The following SELENOI variants were observed in gnomAD, a reference collection of about 807,000 sequenced individuals.
The protein encoded by SELENOI is selenoprotein I, also known as ethanolaminephosphotransferase 1.
SELENOI carries 24 observed loss-of-function variants against 50.7 expected under a neutral mutation model. The ratio of observed to expected loss-of-function variants is 0.47; its 90% CI spans 0.34 to 0.67. The LOEUF is 0.67. Ranked by LOEUF, SELENOI falls within the 30% of genes least tolerant of loss-of-function variation. The pLI is 0.01. For missense variants in SELENOI, 352 were observed against 461.4 expected (o/e 0.76, Z 2.17); for synonymous variants, 155 against 170.2 (o/e 0.91, Z 0.70).
At chr2:26,357,673 C>T (rs1336778614) in intron 1 of SELENOI, among the ~76,000 whole-genome samples, 2 of 152,184 alleles carry the variant, frequency 1.3e-5, no homozygotes. Flanking sequence ...GCCTTCTTCC[C>T]TGTGTTTCTG....
rs142003075 is a variant in SELENOI, at chr2:26,379,999, G to A, written c.683-3300G>A. Among the ~76,000 whole-genome samples, 114 of 152,190 alleles carry A rather than the reference G, an allele frequency of 7.5e-4. 1 individual carries two copies. Among genetic ancestry groups the A allele is most frequent in the Admixed American group, 6.5e-3 (100 of 15,296 alleles). On this transcript the variant is annotated intron_variant, in intron 6 of 9. Transcript: ENST00000260585. Reference sequence around the variant, plus strand: ...TTTTTGCAGTTTTATTCATCCTTACGTCTTATCCCACTAGGTGTGTCCCGT... The same window carrying A: ...TTTTTGCAGTTTTATTCATCCTTACATCTTATCCCACTAGGTGTGTCCCGT...
chr2:26,382,792 A>G (rs896578663), intron 6 of SELENOI, among the ~76,000 whole-genome samples: 1 of 151,906 alleles, frequency 6.6e-6, no homozygotes, highest in African/African-American at 2.4e-5. Flanking sequence ...GTAGTTCGTG[A>G]CCAGCCTGGA....
chr2:26,370,744 A>C (rs1574757556), intron 4 of SELENOI, among the ~76,000 whole-genome samples: 1 of 108,574 alleles, frequency 9.2e-6, no homozygotes, highest in African/African-American at 3.7e-5. Context: ...CGGGGGGCTG[A>C]CCCCCCCACC....
rs869073468 is a variant in SELENOI at position 26,348,996 on chromosome 2, C to CTTTTT, written c.57+2738_57+2742dup. ...CTACCCATCCTTTGTTTTGGACAGG[C>CTTTTT]TTTTTTTTTTTTTTTTTTTTTTTTT... On this transcript the variant is annotated intron_variant, in intron 1 of 9. Transcript: ENST00000260585. 6.8e-4 allele frequency among the ~76,000 whole-genome samples: 39 copies of CTTTTT among 57,714 alleles called. 3 individuals carry two copies. Among genetic ancestry groups the CTTTTT allele is most frequent in the Non-Finnish European group, 8.6e-4 (24 of 27,880 alleles). The allele number at this position is 57,714 out of a possible 152,430, so 37.9% of individuals were successfully genotyped here. A position where few individuals can be genotyped will look rare whatever the true frequency, so the allele number is the denominator to read the frequency against.
Position 26,362,649 on chromosome 2 carries a change from G to A in SELENOI, c.58-1653G>A, listed in dbSNP as rs569911605. 4.6e-5 allele frequency among the ~76,000 whole-genome samples: 7 copies of A among 152,126 alleles called. 1 individual carries two copies. Among genetic ancestry groups the A allele is most frequent in the Admixed American group, 3.3e-4 (5 of 15,290 alleles). On this transcript the variant is annotated intron_variant, in intron 1 of 9. Transcript: ENST00000260585. ...TGCACACCTCTAATCCCAGCTACTC[G>A]GGAGGCTGAGGCAGGAGAATTGGTT...
chr2:26,395,062 T>A lies in SELENOI; in HGVS notation c.*5959T>A, dbSNP rs1678059349. On this transcript the variant is annotated 3_prime_UTR_variant, in exon 10 of 10. Transcript: ENST00000260585. Reference sequence around the variant, plus strand: ...TTTAATTGAACATATTAGTCATTGGTCTGTCTGGGACGTGCAGTGTTCATA... The same window carrying A: ...TTTAATTGAACATATTAGTCATTGGACTGTCTGGGACGTGCAGTGTTCATA... 1 of 152,256 alleles carries A rather than the reference T, an allele frequency of 6.6e-6. No homozygotes were observed. Among genetic ancestry groups the A allele is most frequent in the Non-Finnish European group, 1.5e-5 (1 of 68,042 alleles). 9.4% of individuals were successfully genotyped at this position (152,256 alleles called of 1,614,324 possible). A position where few individuals can be genotyped will look rare whatever the true frequency, so the allele number is the denominator to read the frequency against.
At chr2:26,381,839 C>G (rs992557587) in intron 6 of SELENOI, among the ~76,000 whole-genome samples, 2 of 152,106 alleles carry the variant, frequency 1.3e-5, no homozygotes, top group African/African-American at 4.8e-5. Flanking sequence ...AGCCAGATGT[C>G]TTAGGAATTG....
In SELENOI at chr2:26,373,630, G is replaced by A; in HGVS notation, c.573+1G>A. 1 of 1,613,440 alleles carries A rather than the reference G, an allele frequency of 6.2e-7. No individual in the cohort carries two copies. The highest frequency in any genetic ancestry group is 8.5e-7 in the Non-Finnish European group (1 of 1,179,654). Reference sequence around the variant, plus strand: ...ATGGGGATATGACATTAGCCAGGTGGTAAGTATGTGTTCTACCTTAAATTT... The same window carrying A: ...ATGGGGATATGACATTAGCCAGGTGATAAGTATGTGTTCTACCTTAAATTT... On this transcript the variant is annotated splice_donor_variant, in intron 5 of 9. Coordinates refer to ENST00000260585, the MANE Select transcript of SELENOI (RefSeq NM_033505.4). LOFTEE classifies it high-confidence loss of function.
At chr2:26,387,673 G>A (rs758982717) in intron 9 of SELENOI, among the ~76,000 whole-genome samples, 6 of 142,332 alleles carry the variant, frequency 4.2e-5, no homozygotes, top group Non-Finnish European at 9.1e-5. Context: ...TCCAGCCTGA[G>A]TGACAAAGTG....
At chr2:26,367,281 G>T in intron 4 of SELENOI, 61 bp downstream of exon 4, 1 of 1,288,020 alleles carries the variant, frequency 7.8e-7, no homozygotes, top group Non-Finnish European at 1.1e-6. Context: ...GGATAGCCAC[G>T]TATTAAAATA....
In SELENOI at chr2:26,383,233, T is replaced by C. The variant is rs879120143; in HGVS notation, c.683-66T>C. 5 of 1,219,184 alleles carry C rather than the reference T, an allele frequency of 4.1e-6. No homozygotes were observed. In the South Asian group the frequency reaches 6.7e-5, roughly 16 times the overall value. The allele number at this position is 1,219,184 out of a possible 1,614,324, so 75.5% of individuals were successfully genotyped here. A position where few individuals can be genotyped will look rare whatever the true frequency, so the allele number is the denominator to read the frequency against. On this transcript the variant is annotated intron_variant, in intron 6 of 9. Coordinates refer to ENST00000260585, the MANE Select transcript of SELENOI (RefSeq NM_033505.4). ...GGGGTCTAAAAAAATTTGTTTTGCA[T>C]GATTCAGTGGTAATGTAATAATTGC... is the stretch of plus-strand genomic sequence containing the variant.
chr2:26,366,094 C>A (rs1677281428), intron 3 of SELENOI, among the ~76,000 whole-genome samples: 1 of 152,110 alleles, frequency 6.6e-6, no homozygotes, highest in African/African-American at 2.4e-5. Flanking sequence ...AGCCACTGCA[C>A]CTGGCCAAGA....
chr2:26,366,023 A>T (rs1231262365), intron 3 of SELENOI, among the ~76,000 whole-genome samples: 1 of 151,610 alleles, frequency 6.6e-6, no homozygotes. Flanking sequence ...CTGGTCTCAA[A>T]CTCCTGACCT....
At chr2:26,370,150 T>G (rs945043822) in intron 4 of SELENOI, among the ~76,000 whole-genome samples, 18 of 151,566 alleles carry the variant, frequency 1.2e-4, no homozygotes, top group Non-Finnish European at 2.2e-4. Flanking sequence ...ACACAGCACA[T>G]GTTTCAGAGA....
intron 6 of SELENOI, 30 bp from the exon 7 acceptor site, chr2:26,383,269 G>A (rs1266328394): frequency 1.4e-6 from 2 of 1,478,482 alleles, no homozygotes; most frequent in Non-Finnish European, 1.8e-6. Context: ...TCTTGAATAA[G>A]CATAATAATT....
chr2:26,346,340 C>G (rs1250636909), intron 1 of SELENOI, 51 bp downstream of exon 1: 4 of 1,569,890 alleles, frequency 2.5e-6, no homozygotes, highest in Admixed American at 3.6e-5. Context: ...CTCGCCCAGG[C>G]GGCTGAGGGG....
chr2:26,361,741 C>G (rs927324985), intron 1 of SELENOI, among the ~76,000 whole-genome samples: 1 of 151,910 alleles, frequency 6.6e-6, no homozygotes, highest in South Asian at 2.1e-4. Context: ...GCAGCCTGTG[C>G]CCCCTTGGTT....
At chr2:26,347,881 T>C (rs553362268) in intron 1 of SELENOI, among the ~76,000 whole-genome samples, 1 of 152,298 alleles carries the variant, frequency 6.6e-6, no homozygotes, top group South Asian at 2.1e-4. Context: ...TCTGTTCTGA[T>C]CTTTCCCCCT....
At chr2:26,377,610 C>G (rs1188659687) in intron 6 of SELENOI, among the ~76,000 whole-genome samples, 2 of 151,778 alleles carry the variant, frequency 1.3e-5, no homozygotes, top group African/African-American at 4.8e-5. Context: ...CCAGCCTGGG[C>G]AACAGAGTCA....
Sources: gnomAD v4.1 joint callset for allele counts (sites outside exome capture counted in the v4.1 genomes callset) on GRCh38, gnomAD v4.1.1 for gene constraint, MANE v1.5 for transcripts, NCBI Gene and HGNC (gene_info 2026-07-23, HGNC 2026-07-21) for gene names.